IGDCC3: variants seen among roughly 807,000 people sequenced by gnomAD.
IGDCC3 encodes the protein putative neuronal cell adhesion molecule.
Under a neutral mutation model 72.0 loss-of-function variants are expected in IGDCC3, and 47 were observed. The observed-to-expected ratio is 0.65, with a 90% confidence interval of 0.52 to 0.83. The LOEUF is 0.83. Among genes scored for constraint, IGDCC3 ranks in the 40% least tolerant of loss-of-function variants. IGDCC3 has a pLI of 0.00. For missense variants in IGDCC3, 1,038 were observed against 1,091.3 expected (o/e 0.95, Z 0.69); for synonymous variants, 477 against 472.8 (o/e 1.01, Z -0.11).
intron 5 of IGDCC3, among the ~76,000 whole-genome samples, chr15:65,334,337 A>AGGGACTT (rs962127920): frequency 6.6e-6 from 1 of 151,958 alleles, no homozygotes; most frequent in Non-Finnish European, 1.5e-5. Flanking sequence ...TGGGATTTTT[A>AGGGACTT]GGGACTTGGG....
At chr15:65,332,644 A>G (rs1406336780) in intron 6 of IGDCC3, among the ~76,000 whole-genome samples, 1 of 152,334 alleles carries the variant, frequency 6.6e-6, no homozygotes, top group Admixed American at 6.5e-5. Flanking sequence ...TTAAGTTCCT[A>G]ATTCTCCCAC....
intron 9 of IGDCC3, 59 bp from the exon 10 acceptor site, chr15:65,330,800 C>A (rs1368407870): frequency 2.1e-6 from 3 of 1,398,574 alleles, no homozygotes; most frequent in Non-Finnish European, 2.9e-6. Context: ...ATCTTTCTAC[C>A]TTCCACCTGT....
intron 2 of IGDCC3, among the ~76,000 whole-genome samples, chr15:65,349,489 T>G (rs966287410): frequency 6.6e-6 from 1 of 152,252 alleles, no homozygotes; most frequent in Non-Finnish European, 1.5e-5. Flanking sequence ...AAAAGAATTC[T>G]AAGGCTAGTC....
intron 2 of IGDCC3, among the ~76,000 whole-genome samples, chr15:65,346,058 C>G (rs539041602): frequency 7.3e-4 from 111 of 152,336 alleles, no homozygotes; most frequent in East Asian, 5.4e-3. Context: ...CCTTCCTACT[C>G]ACACTCAGAG....
chr15:65,369,302 T>C (rs2091308706), intron 2 of IGDCC3, among the ~76,000 whole-genome samples: 1 of 152,138 alleles, frequency 6.6e-6, no homozygotes, highest in African/African-American at 2.4e-5. Flanking sequence ...TCCAACCCCC[T>C]CACCTTATAA....
intron 2 of IGDCC3, among the ~76,000 whole-genome samples, chr15:65,363,554 T>TG (rs1333445372): frequency 1.3e-5 from 2 of 152,162 alleles, no homozygotes; most frequent in African/African-American, 4.8e-5. Context: ...CCACCTTCCC[T>TG]GGGGGCTGTG....
Position 65,339,958 on chromosome 15 carries a change from C to T in IGDCC3, c.410-4002G>A, listed in dbSNP as rs911351171. Among the ~76,000 whole-genome samples the T allele has an allele frequency of 1.3e-5, 2 of 152,142 alleles. No homozygotes were observed. The highest frequency in any genetic ancestry group is 4.8e-5 in the African/African-American group (2 of 41,426). On this transcript the variant is annotated intron_variant, in intron 2 of 13. Transcript: ENST00000327987. The surrounding 1 kb of genome is among the most constrained non-coding windows in gnomAD (Gnocchi z 4.1). The stretch of plus-strand genomic sequence containing the variant: ...AAGCGACAGGGAGGACAAAGTCCTG[C>T]TTGGCAGTAGGTGGGGAGAAAGGAA...
At chr15:65,370,993 G>A (rs184449276) in intron 2 of IGDCC3, among the ~76,000 whole-genome samples, 2 of 117,938 alleles carry the variant, frequency 1.7e-5, no homozygotes, top group East Asian at 4.1e-4. Context: ...CAGCTAGCAG[G>A]TGGTGGGGCC....
chr15:65,333,470 G>A, intron 5 of IGDCC3, 55 bp from the exon 6 acceptor site: 5 of 1,469,726 alleles, frequency 3.4e-6, no homozygotes, highest in Non-Finnish European at 4.5e-6. Context: ...TATGGAAGAA[G>A]GAAAGTAAAG....
At chr15:65,338,022 T>G (rs2091046117) in intron 2 of IGDCC3, among the ~76,000 whole-genome samples, 2 of 152,190 alleles carry the variant, frequency 1.3e-5, no homozygotes, top group African/African-American at 4.8e-5. Flanking sequence ...CTGCCTCTTA[T>G]CAGGGCGCTG....
intron 2 of IGDCC3, among the ~76,000 whole-genome samples, chr15:65,365,854 T>C (rs2091285881): frequency 6.6e-6 from 1 of 152,086 alleles, no homozygotes; most frequent in African/African-American, 2.4e-5. Flanking sequence ...GAGGATGGCT[T>C]GAGGCCAGGA....
intron 2 of IGDCC3, among the ~76,000 whole-genome samples, chr15:65,351,709 T>G (rs2091174993): frequency 6.6e-6 from 1 of 152,242 alleles, no homozygotes; most frequent in East Asian, 1.9e-4. Flanking sequence ...TGAAATGGTG[T>G]TTTGCTTTCT....
At chr15:65,358,674 T>C (rs1247398268) in intron 2 of IGDCC3, among the ~76,000 whole-genome samples, 1 of 62,748 alleles carries the variant, frequency 1.6e-5, no homozygotes, top group Non-Finnish European at 4.0e-5. Context: ...TTATGTTTTA[T>C]TTTATTTTAA....
chr15:65,350,513 G>C (rs894820021), intron 2 of IGDCC3, among the ~76,000 whole-genome samples: 3 of 149,398 alleles, frequency 2.0e-5, no homozygotes, highest in African/African-American at 7.5e-5. Context: ...CCAGGCTGGA[G>C]TGCAATGGCA....
chr15:65,331,144 C>T lies in IGDCC3; in HGVS notation c.1467G>A (p.Glu489=). The change falls in exon 9 of 14, where the codon GAG becomes GAA. Residue 489 remains glutamate, a synonymous_variant. Coordinates refer to ENST00000327987, the MANE Select transcript of IGDCC3 (RefSeq NM_004884.4). ...TGTAGAAACTGTAGGCTGTGGAGGG[C>T]TCCAGGTCGCTGACCAGGTGCTGAA... ...STFQHLVSDL[E]PSTAYSFYIK... 2.5e-6 allele frequency: 4 copies of T among 1,614,120 alleles called. No individual in the cohort carries two copies. Among genetic ancestry groups the T allele is most frequent in the Non-Finnish European group, 3.4e-6 (4 of 1,180,030 alleles).
rs368339206 is a variant in IGDCC3, at chr15:65,347,774, T to C, written c.410-11818A>G. On this transcript the variant is annotated intron_variant, in intron 2 of 13. Coordinates refer to ENST00000327987, the MANE Select transcript of IGDCC3 (RefSeq NM_004884.4). ...GGCGAAACCCTGTCCTTACTAAAAA[T>C]ATAAAAATTAGCCGGGCATGGTGGC... Among the ~76,000 whole-genome samples the C allele has an allele frequency of 2.2e-3, 340 of 151,908 alleles. 2 individuals carry two copies. The highest frequency in any genetic ancestry group is 7.4e-3 in the African/African-American group (305 of 41,396).
Position 65,331,301 on chromosome 15 carries a change from G to A in IGDCC3, c.1397-87C>T, listed in dbSNP as rs550384495. 5.2e-3 allele frequency: 8,133 copies of A among 1,565,440 alleles called. 47 individuals carry two copies. Among genetic ancestry groups the A allele is most frequent in the Non-Finnish European group, 6.5e-3 (7,520 of 1,149,988 alleles). On this transcript the variant is annotated intron_variant, in intron 8 of 13. Transcript: ENST00000327987. ...TGAAATGAGGGCAGCCAGGGTGCCCGGGGGGACAGCGGGGAGAAGGAAAGG... is the reference window on the plus strand; with the variant it reads ...TGAAATGAGGGCAGCCAGGGTGCCCAGGGGGACAGCGGGGAGAAGGAAAGG...
intron 2 of IGDCC3, among the ~76,000 whole-genome samples, chr15:65,368,160 TCACACACA>T (rs57451250): frequency 0.61 from 89,537 of 146,076 alleles, 28,987 homozygotes; most frequent in South Asian, 0.74. Context: ...TCTCTTTCAC[TCACACACA>T]CACACACACA....
At chr15:65,354,574 CTA>C (rs1169490952) in intron 2 of IGDCC3, among the ~76,000 whole-genome samples, 3 of 152,166 alleles carry the variant, frequency 2.0e-5, no homozygotes, top group African/African-American at 7.2e-5. Context: ...CATCGAAGAC[CTA>C]TGAGTCCCTT....
Sources: allele counts gnomAD v4.1 joint callset (sites outside exome capture counted in the v4.1 genomes callset), GRCh38; gene constraint gnomAD v4.1.1; non-coding constraint Gnocchi (gnomAD v3.1); transcripts MANE v1.5; gene names NCBI Gene and HGNC (gene_info 2026-07-23, HGNC 2026-07-21).